GRK7: variants seen among roughly 807,000 people sequenced by gnomAD.
GRK7 encodes G protein-coupled receptor kinase 7.
Under a neutral mutation model 34.1 loss-of-function variants are expected in GRK7, and 24 were observed. The observed-to-expected ratio is 0.70, with a 90% CI of 0.51 to 0.99. GRK7 has a LOEUF of 0.99. Ranked by LOEUF, GRK7 falls within the 50% of genes least tolerant of loss-of-function variation. GRK7 has a pLI of 0.00. For missense variants in GRK7, 644 were observed against 707.3 expected (o/e 0.91, Z 1.02); for synonymous variants, 256 against 279.4 (o/e 0.92, Z 0.84).
chr3:141,802,683 G>A (rs1710982788), intron 4 of GRK7, among the ~76,000 whole-genome samples: 1 of 152,148 alleles, frequency 6.6e-6, no homozygotes, highest in South Asian at 2.1e-4. Flanking sequence ...AACATCATCT[G>A]GATAAAACAT....
At chr3:141,767,914 A>G (rs1172236773) in intron 1 of GRK7, among the ~76,000 whole-genome samples, 5 of 152,194 alleles carry the variant, frequency 3.3e-5, no homozygotes, top group Non-Finnish European at 5.9e-5. Context: ...TGTTTTCTTC[A>G]TGTACAGGAA....
Position 141,817,777 on chromosome 3 carries a change from G to C in GRK7, c.*727G>C, listed in dbSNP as rs1711169162. On this transcript the variant is annotated 3_prime_UTR_variant, in exon 6 of 6. Coordinates refer to ENST00000682958, the MANE Select transcript of GRK7 (RefSeq NM_139209.3). ...ATGCCATCGGTTCCCAAACTCTGCT[G>C]AACTTTGGAATCATCTAGGGATCTT... 6.6e-6 allele frequency: 1 copy of C among 152,160 alleles called. No homozygotes were observed. Among genetic ancestry groups the C allele is most frequent in the African/African-American group, 2.4e-5 (1 of 41,436 alleles). 9.4% of individuals were successfully genotyped at this position (152,160 alleles called of 1,614,324 possible).
intron 4 of GRK7, among the ~76,000 whole-genome samples, chr3:141,796,575 A>T (rs1196851941): frequency 1.3e-5 from 2 of 152,190 alleles, no homozygotes. Context: ...AGGCTGCAGC[A>T]GTGGGCAGTG....
the GRK7 span, among the ~76,000 whole-genome samples, chr3:141,753,647 A>G: frequency 6.6e-6 from 1 of 152,176 alleles, no homozygotes; most frequent in Non-Finnish European, 1.5e-5. Context: ...CCCAGTTCCT[A>G]ACAGGCCAGG....
In GRK7 at chr3:141,778,378, C is replaced by T. The variant is rs764098462; in HGVS notation, c.94C>T (p.Arg32Trp). The T allele has an allele frequency of 1.6e-5, 26 of 1,611,246 alleles. 1 individual carries two copies. In the South Asian group the frequency reaches 2.2e-4, roughly 14 times the overall value. ...GGACTGCGACAGCAAAGAGCTGCAG[C>T]GGCGGCGGCGTAGCCTGGCCCTGCC... is the stretch of plus-strand genomic sequence containing the variant. ...PSDCDSKELQ[R>W]RRRSLALPGL... The change falls in exon 3 of 6, where the codon CGG becomes TGG. Residue 32 changes from arginine (R) to tryptophan (W), a missense_variant. Transcript: ENST00000682958. This position sits in a 1 kb window ranked among gnomAD's most constrained non-coding sequence, Gnocchi z 4.1.
At chr3:141,799,538 G>A (rs1710929217) in intron 4 of GRK7, among the ~76,000 whole-genome samples, 1 of 152,040 alleles carries the variant, frequency 6.6e-6, no homozygotes, top group African/African-American at 2.4e-5. Flanking sequence ...CTTGAACCTG[G>A]GAGGTGGAGG....
chr3:141,809,158 C>T (rs957287072), intron 5 of GRK7, among the ~76,000 whole-genome samples: 5 of 149,456 alleles, frequency 3.3e-5, no homozygotes, highest in Non-Finnish European at 6.0e-5. Context: ...GCCGAGATCG[C>T]GCCACTGCAC....
At chr3:141,815,456 A>G (rs776192921) in intron 5 of GRK7, among the ~76,000 whole-genome samples, 2 of 152,132 alleles carry the variant, frequency 1.3e-5, no homozygotes, top group Non-Finnish European at 2.9e-5. Flanking sequence ...TTTGAATCTG[A>G]TGCCACAAAA....
At chr3:141,813,126 G>C (rs1297928700) in intron 5 of GRK7, among the ~76,000 whole-genome samples, 3 of 151,834 alleles carry the variant, frequency 2.0e-5, no homozygotes, top group Non-Finnish European at 4.4e-5. Context: ...TTGTTCGTTT[G>C]TTTGTTTGTT....
intron 5 of GRK7, among the ~76,000 whole-genome samples, chr3:141,815,107 T>C (rs990417066): frequency 6.6e-6 from 1 of 152,036 alleles, no homozygotes; most frequent in African/African-American, 2.4e-5. Flanking sequence ...TGTATTTTAG[T>C]AGAGATGGGG....
intron 5 of GRK7, among the ~76,000 whole-genome samples, chr3:141,813,787 A>G (rs914038248): frequency 6.6e-6 from 1 of 152,230 alleles, no homozygotes; most frequent in Non-Finnish European, 1.5e-5. Flanking sequence ...TCCTTTGAAA[A>G]AGTCACCTAT....
chr3:141,800,380 TAAAAAAA>T (rs5853047), intron 4 of GRK7, among the ~76,000 whole-genome samples: 41 of 79,558 alleles, frequency 5.2e-4, no homozygotes, highest in African/African-American at 1.5e-3. Flanking sequence ...TTGTCATTTG[TAAAAAAA>T]AAAAAAAAAA....
chr3:141,788,083 C>G (rs1171545448), intron 4 of GRK7, among the ~76,000 whole-genome samples: 1 of 152,154 alleles, frequency 6.6e-6, no homozygotes, highest in Non-Finnish European at 1.5e-5. Flanking sequence ...GAACTGGAGG[C>G]TGTAATTGAA....
chr3:141,793,029 G>C (rs982020437), intron 4 of GRK7, among the ~76,000 whole-genome samples: 1 of 152,228 alleles, frequency 6.6e-6, no homozygotes, highest in Non-Finnish European at 1.5e-5. Flanking sequence ...GCTCACCCCA[G>C]CTCCATGGGG....
At chr3:141,804,801 A>T (rs572671244) in intron 4 of GRK7, among the ~76,000 whole-genome samples, 4 of 142,630 alleles carry the variant, frequency 2.8e-5, no homozygotes, top group Admixed American at 2.7e-4. Flanking sequence ...GCACACATAC[A>T]CACATGCACA....
chr3:141,755,051 G>A, the GRK7 span, among the ~76,000 whole-genome samples: 3 of 152,110 alleles, frequency 2.0e-5, no homozygotes, highest in Non-Finnish European at 4.4e-5. Context: ...CCACTTTCAG[G>A]TATTTTCTAA....
rs543811691 is a variant in GRK7, at chr3:141,765,619, C to G, written c.-334C>G. ...TTTTGGAAAACTGCTCTGAGGCCAT[C>G]ATGCTTTGAGGAAGCCCAGGAGGAA... On this transcript the variant is annotated 5_prime_UTR_variant, in exon 1 of 6. The change creates a new upstream start codon in the 5' untranslated region. Coordinates refer to ENST00000682958, the MANE Select transcript of GRK7 (RefSeq NM_139209.3). 6.6e-4 allele frequency among the ~76,000 whole-genome samples: 100 copies of G among 152,204 alleles called. No individual in the cohort carries two copies. Among genetic ancestry groups the G allele is most frequent in the African/African-American group, 2.2e-3 (91 of 41,528 alleles).
intron 4 of GRK7, among the ~76,000 whole-genome samples, chr3:141,797,027 G>A (rs1710890737): frequency 1.3e-5 from 2 of 152,228 alleles, no homozygotes; most frequent in Admixed American, 6.5e-5. Flanking sequence ...AAGCGGCTGT[G>A]GGTGACCGGC....
chr3:141,789,683 G>A (rs1368314327), intron 4 of GRK7, among the ~76,000 whole-genome samples: 1 of 122,334 alleles, frequency 8.2e-6, no homozygotes, highest in Non-Finnish European at 1.7e-5. Context: ...CAAAACAGTG[G>A]AGGCCCCTAA....
Sources: allele counts gnomAD v4.1 joint callset (sites outside exome capture counted in the v4.1 genomes callset), GRCh38; gene constraint gnomAD v4.1.1; non-coding constraint Gnocchi (gnomAD v3.1); transcripts MANE v1.5; gene names NCBI Gene and HGNC (gene_info 2026-07-23, HGNC 2026-07-21).